The following SYNPO2 variants were observed in gnomAD, a reference collection of about 807,000 sequenced individuals.
SYNPO2 encodes the protein synaptopodin 2.
SYNPO2 carries 56 observed loss-of-function variants against 85.0 expected under a neutral mutation model. That is an observed-to-expected ratio of 0.66 (90% CI 0.53 to 0.82). The LOEUF is 0.82. Ranked by LOEUF, SYNPO2 falls within the 40% of genes least tolerant of loss-of-function variation. The pLI is 0.00. For missense variants in SYNPO2, 1,575 were observed against 1,534.2 expected (o/e 1.03, Z -0.44); for synonymous variants, 602 against 591.1 (o/e 1.02, Z -0.27).
At chr4:118,861,480 G>C (rs1474544565) in intron 1 of SYNPO2, among the ~76,000 whole-genome samples, 1 of 152,018 alleles carries the variant, frequency 6.6e-6, no homozygotes, top group Non-Finnish European at 1.5e-5. Context: ...TGAGCTCTTA[G>C]ATTTAAGTCT....
intron 1 of SYNPO2, among the ~76,000 whole-genome samples, chr4:118,905,906 T>C (rs1732920892): frequency 1.3e-5 from 2 of 152,230 alleles, no homozygotes; most frequent in African/African-American, 4.8e-5. Context: ...GCTAATGTTA[T>C]GATATAGGGG....
At chr4:118,868,048 T>TAA (rs34145856) in intron 1 of SYNPO2, among the ~76,000 whole-genome samples, 2 of 146,230 alleles carry the variant, frequency 1.4e-5, no homozygotes, top group African/African-American at 5.0e-5. Flanking sequence ...TCCTTTCATT[T>TAA]AAAAAAAAAA....
chr4:118,967,340 C>G (rs1006061142), intron 1 of SYNPO2, among the ~76,000 whole-genome samples: 1 of 152,188 alleles, frequency 6.6e-6, no homozygotes, highest in African/African-American at 2.4e-5. Flanking sequence ...TACAATTGAC[C>G]TTTTAGCTCT....
At chr4:119,000,129 CA>C (rs1439734641) in intron 1 of SYNPO2, among the ~76,000 whole-genome samples, 1 of 152,190 alleles carries the variant, frequency 6.6e-6, no homozygotes, top group East Asian at 1.9e-4. Context: ...CTCTCTGTTG[CA>C]ATGTGAGCAA....
intron 4 of SYNPO2, among the ~76,000 whole-genome samples, chr4:119,047,943 T>C (rs901897270): frequency 4.6e-5 from 7 of 152,240 alleles, no homozygotes; most frequent in Non-Finnish European, 1.0e-4. Flanking sequence ...TTCCAATCTC[T>C]TTTATCGTTT....
chr4:119,030,221 G>C lies in SYNPO2; in HGVS notation c.1446G>C (p.Glu482Asp). ...AACTGAACAGAGGGGACAAGATGGA[G>C]ATGTTACCAGACACCACAGGCAAGG... ...EKKLNRGDKM[E>D]MLPDTTGKGA... Residue 482 changes from glutamate to aspartate, a missense_variant, in exon 4 of 5, where the codon GAG becomes GAC. Physicochemically the swap from Glu to Asp is conservative, Grantham distance 45 (BLOSUM62 2). This residue lies in a region of SYNPO2 where 1,508 missense variants were observed against 1,446.8 expected (regional missense o/e 1.04). Transcript: ENST00000307142. 6.2e-7 allele frequency: 1 copy of C among 1,614,054 alleles called. No individual in the cohort carries two copies. The highest frequency in any genetic ancestry group is 8.5e-7 in the Non-Finnish European group (1 of 1,179,998).
At chr4:118,933,829 G>GTTTTTT (rs71595334) in intron 1 of SYNPO2, among the ~76,000 whole-genome samples, 2,962 of 101,394 alleles carry the variant, frequency 0.029, 89 homozygotes, top group South Asian at 0.041. Context: ...TGTTGTTGTT[G>GTTTTTT]TTTTTTTTTT....
exon 1 of SYNPO2, chr4:118,850,732 A>G (rs1043589000): frequency 4.8e-5 from 19 of 398,544 alleles, no homozygotes; most frequent in Non-Finnish European, 8.0e-5. Flanking sequence ...TCTGGAGCTC[A>G]GGAGAGAAGG....
chr4:118,960,446 A>G (rs976096452), intron 1 of SYNPO2, among the ~76,000 whole-genome samples: 1 of 152,194 alleles, frequency 6.6e-6, no homozygotes, highest in African/African-American at 2.4e-5. Context: ...AGAATGTAAA[A>G]TGGTAAAATC....
At chr4:118,974,997 C>T (rs765810461) in intron 1 of SYNPO2, among the ~76,000 whole-genome samples, 11 of 152,222 alleles carry the variant, frequency 7.2e-5, no homozygotes, top group Non-Finnish European at 1.2e-4. Context: ...CTCATCACTA[C>T]TGGATGAGAG....
In SYNPO2 at chr4:119,060,232, T is replaced by G. The variant is rs956027332; in HGVS notation, c.*2298T>G. On this transcript the variant is annotated 3_prime_UTR_variant, in exon 5 of 5. Coordinates refer to ENST00000307142, the MANE Select transcript of SYNPO2 (RefSeq NM_133477.3). ...AGCATAAAACAGACTTCTCTCTCAT[T>G]GCATGCACTAGATCAATATTATCAT... 1 of 152,210 alleles carries G rather than the reference T, an allele frequency of 6.6e-6. No homozygotes were observed. Among genetic ancestry groups the G allele is most frequent in the African/African-American group, 2.4e-5 (1 of 41,454 alleles). 9.4% of individuals were successfully genotyped at this position (152,210 alleles called of 1,614,324 possible).
intron 1 of SYNPO2, among the ~76,000 whole-genome samples, chr4:118,924,438 G>A (rs1479809240): frequency 6.6e-6 from 1 of 152,228 alleles, no homozygotes; most frequent in South Asian, 2.1e-4. Context: ...CCCTTAAGAG[G>A]GTGGAAATAT....
At chr4:118,986,127 T>G (rs1375603951) in intron 1 of SYNPO2, among the ~76,000 whole-genome samples, 3 of 152,234 alleles carry the variant, frequency 2.0e-5, no homozygotes, top group Non-Finnish European at 4.4e-5. Flanking sequence ...ATAAATGACC[T>G]TTGTTCTCAC....
intron 1 of SYNPO2, among the ~76,000 whole-genome samples, chr4:118,977,044 C>A (rs957892850): frequency 6.6e-6 from 1 of 152,228 alleles, no homozygotes; most frequent in Non-Finnish European, 1.5e-5. Flanking sequence ...CGGCGCCGTG[C>A]GCTCGCATTC....
At chr4:118,869,455 A>G (rs1731762601) in intron 1 of SYNPO2, among the ~76,000 whole-genome samples, 1 of 152,270 alleles carries the variant, frequency 6.6e-6, no homozygotes, top group African/African-American at 2.4e-5. Flanking sequence ...AACCAGATTT[A>G]ATATGTTCAT....
chr4:119,030,397 A>T lies in SYNPO2; in HGVS notation c.1622A>T (p.Glu541Val). 6.2e-7 allele frequency: 1 copy of T among 1,614,190 alleles called. No individual in the cohort carries two copies. Reference sequence around the variant, plus strand: ...ACGACTTCTTACCAAAGAAAGGAGGAAGAGTCGGTAAGAACGCAGAGCTCT... The same window carrying T: ...ACGACTTCTTACCAAAGAAAGGAGGTAGAGTCGGTAAGAACGCAGAGCTCT... ...RTTTSYQRKE[E>V]ESVRTQSSVS... The change falls in exon 4 of 5, where the codon GAA (glutamate) becomes GTA (valine). Residue 541 changes from glutamate (E) to valine (V), a missense_variant. Physicochemically the swap from Glu to Val is moderately radical, Grantham distance 121. This residue lies in a region of SYNPO2 where 1,508 missense variants were observed against 1,446.8 expected (regional missense o/e 1.04). Transcript: ENST00000307142.
intron 1 of SYNPO2, among the ~76,000 whole-genome samples, chr4:118,997,708 G>A (rs919844030): frequency 1.3e-5 from 2 of 152,130 alleles, no homozygotes; most frequent in African/African-American, 2.4e-5. Context: ...CTTTAGTCTG[G>A]CTGCCTTCTT....
chr4:118,930,096 T>C (rs774541066), intron 1 of SYNPO2, among the ~76,000 whole-genome samples: 7 of 152,168 alleles, frequency 4.6e-5, no homozygotes, highest in Non-Finnish European at 7.3e-5. Context: ...AGAGATAATA[T>C]AGATGTGCCA....
chr4:118,970,176 T>A (rs1444895949), intron 1 of SYNPO2, among the ~76,000 whole-genome samples: 1 of 152,198 alleles, frequency 6.6e-6, no homozygotes, highest in African/African-American at 2.4e-5. Flanking sequence ...AATTATAAAT[T>A]ATCAACAGAT....
Sources: allele counts gnomAD v4.1 joint callset (sites outside exome capture counted in the v4.1 genomes callset), GRCh38; gene constraint gnomAD v4.1.1; regional missense constraint gnomAD v4.1.1; transcripts MANE v1.5; gene names NCBI Gene and HGNC (gene_info 2026-07-23, HGNC 2026-07-21).